PTH2R: variants seen among roughly 807,000 people sequenced by gnomAD.
The protein encoded by PTH2R is PTH2 receptor.
Under a neutral mutation model 60.3 loss-of-function variants are expected in PTH2R, and 59 were observed. That is an observed-to-expected ratio of 0.98 (90% CI 0.79 to 1.22). The LOEUF is 1.22. Among genes scored for constraint, PTH2R ranks in the 50% most tolerant of loss-of-function variants. The probability of loss-of-function intolerance (pLI) is 0.00; values close to 1 mark genes in which losing one functional copy is unlikely to be tolerated. For missense variants in PTH2R, 749 were observed against 682.6 expected, an observed-to-expected ratio of 1.10 and a Z score of -1.08; for synonymous variants, 256 against 243.8, an observed-to-expected ratio of 1.05 and a Z score of -0.47.
At position 208,413,812 on chromosome 2, in the gene PTH2R, C is replaced by T. The variant is rs561778947; in HGVS notation, c.75+6694C>T. ...AGTCAAAGACAGAATAAACCTGAGA[C>T]GGGCTTCTGGCCAGTTTTGGTCAGG... On this transcript the variant is annotated intron_variant, in intron 1 of 12. Coordinates refer to ENST00000272847, the MANE Select transcript of PTH2R (RefSeq NM_005048.4). Among the ~76,000 whole-genome samples the T allele has an allele frequency of 1.4e-3, 218 of 152,254 alleles. 1 individual carries two copies. The highest frequency in any genetic ancestry group is 3.4e-3 in the Middle Eastern group (1 of 294).
At chr2:208,492,266 A>T (rs1365741873) in intron 12 of PTH2R, among the ~76,000 whole-genome samples, 1 of 152,188 alleles carries the variant, frequency 6.6e-6, no homozygotes, top group East Asian at 1.9e-4. Context: ...TTACATTTCA[A>T]ATTGAGTACC....
chr2:208,465,907 C>T (rs1259776981), intron 9 of PTH2R, among the ~76,000 whole-genome samples: 3 of 151,610 alleles, frequency 2.0e-5, no homozygotes, highest in Admixed American at 6.6e-5. Flanking sequence ...AATCCAAATG[C>T]TGGCATTGTT....
At chr2:208,480,420 G>GTC (rs1282999978) in intron 9 of PTH2R, among the ~76,000 whole-genome samples, 1 of 152,096 alleles carries the variant, frequency 6.6e-6, no homozygotes, top group Non-Finnish European at 1.5e-5. Flanking sequence ...CATCTGGAAT[G>GTC]TCTTCACTGA....
chr2:208,456,969 A>T (rs1702527845), intron 8 of PTH2R, among the ~76,000 whole-genome samples: 1 of 152,208 alleles, frequency 6.6e-6, no homozygotes. Flanking sequence ...GCTGGTTTTG[A>T]CCTACTTCCA....
chr2:208,380,651 T>G (rs947221975), intron 1 of PTH2R, among the ~76,000 whole-genome samples: 4 of 152,094 alleles, frequency 2.6e-5, no homozygotes, highest in Admixed American at 6.5e-5. Flanking sequence ...GCCACATTTC[T>G]CTAGTGTATG....
At position 208,450,757 on chromosome 2, in the gene PTH2R, G is replaced by A. The variant is rs1303086530; in HGVS notation, c.862G>A (p.Ala288Thr). The change falls in exon 8 of 13, where the codon GCA (alanine) becomes ACA (threonine). Residue 288 changes from alanine (A) to threonine (T), a missense_variant. Coordinates refer to ENST00000272847, the MANE Select transcript of PTH2R (RefSeq NM_005048.4). ...GFILIGWGFP[A>T]AFVAAWAVAR... ...TCATTTTCTGATTTCAGGGTTTCCA[G>A]CAGCATTTGTTGCAGCATGGGCTGT... The A allele has an allele frequency of 1.2e-6, 2 of 1,613,824 alleles. No individual in the cohort carries two copies. Among genetic ancestry groups the A allele is most frequent in the Non-Finnish European group, 1.7e-6 (2 of 1,179,882 alleles).
chr2:208,403,121 A>G (rs1259845206), upstream of PTH2R, among the ~76,000 whole-genome samples: 1 of 152,224 alleles, frequency 6.6e-6, no homozygotes, highest in Admixed American at 6.5e-5. Flanking sequence ...GATTTATGAA[A>G]GAAATTGGTT....
At chr2:208,480,996 T>G (rs1010313345) in intron 9 of PTH2R, 74 bp from the exon 10 acceptor site, 1 of 1,134,402 alleles carries the variant, frequency 8.8e-7, no homozygotes, top group South Asian at 1.5e-5. Flanking sequence ...TGGAAAAAAT[T>G]TCAATTTATG....
At chr2:208,448,744 T>A (rs950672479) in intron 7 of PTH2R, among the ~76,000 whole-genome samples, 4 of 151,366 alleles carry the variant, frequency 2.6e-5, no homozygotes. Context: ...AACATTTACA[T>A]GTCAAGTATT....
intron 8 of PTH2R, among the ~76,000 whole-genome samples, chr2:208,456,939 T>G (rs1174737579): frequency 6.6e-6 from 1 of 152,206 alleles, no homozygotes; most frequent in Non-Finnish European, 1.5e-5. Context: ...AAAGACAAGT[T>G]TTTCATGTTT....
intron 7 of PTH2R, among the ~76,000 whole-genome samples, chr2:208,449,705 T>C (rs988954927): frequency 7.9e-5 from 12 of 152,196 alleles, no homozygotes; most frequent in African/African-American, 2.9e-4. Flanking sequence ...ATCATTTTCA[T>C]CTTTTTCTGA....
upstream of PTH2R, among the ~76,000 whole-genome samples, chr2:208,406,619 G>C (rs1257430240): frequency 1.3e-5 from 2 of 152,138 alleles, no homozygotes; most frequent in Admixed American, 1.3e-4. Flanking sequence ...ATTGCGAATC[G>C]GGGGTGGCGG....
chr2:208,458,740 G>T (rs567431463), intron 8 of PTH2R, among the ~76,000 whole-genome samples: 1 of 152,212 alleles, frequency 6.6e-6, no homozygotes, highest in East Asian at 1.9e-4. Flanking sequence ...AAGGATGATA[G>T]CCTCCAGCTC....
At chr2:208,436,140 A>G (rs1702070534) in intron 2 of PTH2R, among the ~76,000 whole-genome samples, 3 of 152,342 alleles carry the variant, frequency 2.0e-5, no homozygotes, top group South Asian at 2.1e-4. Context: ...TAGGAATATA[A>G]TAATAAAATA....
intron 7 of PTH2R, 58 bp from the exon 8 acceptor site, chr2:208,450,691 G>GA: frequency 1.9e-6 from 3 of 1,559,102 alleles, no homozygotes; most frequent in Non-Finnish European, 2.7e-6. Context: ...TGAATTTGAG[G>GA]AAAAAACCTC....
chr2:208,493,418 T>C lies in PTH2R; in HGVS notation c.1412T>C (p.Met471Thr). Residue 471 changes from methionine (M) to threonine (T), a missense_variant, in exon 13 of 13, where the codon ATG (methionine) becomes ACG (threonine). Transcript: ENST00000272847. ...TCACAGGTGGCGGCCAGCACACGCA[T>C]GGTGCTTATCTCTGGCAAAGCTGCC... ...SQSQVAASTR[M>T]VLISGKAAKI... 2 of 1,610,336 alleles carry C rather than the reference T, an allele frequency of 1.2e-6. No individual in the cohort carries two copies. Among genetic ancestry groups the C allele is most frequent in the Non-Finnish European group, 1.7e-6 (2 of 1,177,756 alleles).
At chr2:208,449,473 A>AGATAGATAGATG (rs1702359461) in intron 7 of PTH2R, among the ~76,000 whole-genome samples, 1 of 152,056 alleles carries the variant, frequency 6.6e-6, no homozygotes, top group Admixed American at 6.6e-5. Flanking sequence ...ATAGATAGAT[A>AGATAGATAGATG]GATAGAATAT....
At chr2:208,364,616 T>C (rs1008594663) in intron 1 of PTH2R, among the ~76,000 whole-genome samples, 6 of 152,188 alleles carry the variant, frequency 3.9e-5, no homozygotes, top group Non-Finnish European at 7.4e-5. Flanking sequence ...TACCACACTG[T>C]TTTATTCTTC....
At chr2:208,453,613 C>T (rs1348644207) in intron 8 of PTH2R, among the ~76,000 whole-genome samples, 1 of 152,172 alleles carries the variant, frequency 6.6e-6, no homozygotes, top group Non-Finnish European at 1.5e-5. Flanking sequence ...CTTCTGGATT[C>T]GGCTGACCAT....
Sources: allele counts gnomAD v4.1 joint callset (sites outside exome capture counted in the v4.1 genomes callset), GRCh38; gene constraint gnomAD v4.1.1; transcripts MANE v1.5; gene names NCBI Gene and HGNC (gene_info 2026-07-23, HGNC 2026-07-21).